CYLC2: variants seen among roughly 807,000 people sequenced by gnomAD.
CYLC2 encodes the protein cylicin-2.
Under a neutral mutation model 26.1 loss-of-function variants are expected in CYLC2, and 30 were observed. That is an observed-to-expected ratio of 1.15 (90% CI 0.86 to 1.56). The LOEUF (loss-of-function observed/expected upper bound fraction) is 1.56. Among genes scored for constraint, CYLC2 ranks in the 40% most tolerant of loss-of-function variants. CYLC2 has a pLI of 0.00. For synonymous variants in CYLC2, 158 were observed against 132.8 expected, an observed-to-expected ratio of 1.19 and a Z score of -1.31; for missense variants, 498 against 394.4, an observed-to-expected ratio of 1.26 and a Z score of -2.23.
chr9:102,998,603 C>A (rs962357994), intron 1 of CYLC2, among the ~76,000 whole-genome samples: 24 of 151,956 alleles, frequency 1.6e-4, no homozygotes, highest in African/African-American at 4.6e-4. Context: ...TCAGTAGGGG[C>A]AAGGGTATTT....
intron 6 of CYLC2, among the ~76,000 whole-genome samples, chr9:103,015,311 A>T (rs1405097654): frequency 3.1e-5 from 4 of 128,616 alleles, no homozygotes; most frequent in Non-Finnish European, 4.7e-5. Context: ...TATAATATAT[A>T]TTATATATAA....
rs774184248 is a variant in CYLC2, at chr9:103,011,283, TA to T, written c.*701-698del. Among the ~76,000 whole-genome samples, 3 of 152,278 alleles carry T rather than the reference TA, an allele frequency of 2.0e-5. No individual in the cohort carries two copies. The East Asian group carries it at 5.8e-4, about 29-fold the overall frequency. On this transcript the variant is annotated intron_variant, in intron 5 of 7. Transcript: ENST00000374798. ...ATTTGTAAGCTGTTTGAAGATTTTT[TA>T]CCCCCCTTCATTTTGTTTAACTTTT...
rs554579738 is a variant in CYLC2, at chr9:103,016,571, G to C, written c.*817-317G>C. Among the ~76,000 whole-genome samples the C allele has an allele frequency of 3.3e-5, 5 of 152,090 alleles. No individual in the cohort carries two copies. In the East Asian group the frequency reaches 5.8e-4, roughly 18 times the overall value. The stretch of plus-strand genomic sequence containing the variant: ...TTTATATTCTAGTATAGGATGTTTT[G>C]TGAGAGGAGCCACTATTTTTTAATC... On this transcript the variant is annotated intron_variant, in intron 6 of 7. Transcript: ENST00000374798.
chr9:103,011,773 T>C (rs1456035654), intron 5 of CYLC2, among the ~76,000 whole-genome samples: 3 of 151,998 alleles, frequency 2.0e-5, no homozygotes, highest in African/African-American at 4.8e-5. Context: ...TAAACTTATA[T>C]GCAAGTGTTG....
chr9:103,014,389 T>C (rs1272883251), intron 6 of CYLC2, among the ~76,000 whole-genome samples: 1 of 127,462 alleles, frequency 7.8e-6, no homozygotes, highest in Non-Finnish European at 1.6e-5. Context: ...TATTACGTAA[T>C]ATAACATAAT....
At position 103,003,240 on chromosome 9, in the gene CYLC2, C is replaced by G. The variant is rs1270241640; in HGVS notation, c.157C>G (p.Gln53Glu). 2 of 1,613,680 alleles carry G rather than the reference C, an allele frequency of 1.2e-6. No individual in the cohort carries two copies. Among genetic ancestry groups the G allele is most frequent in the Admixed American group, 1.7e-5 (1 of 60,008 alleles). Residue 53 changes from glutamine (Q) to glutamate (E), a missense_variant, in exon 3 of 8, where the codon CAA becomes GAA. Coordinates refer to ENST00000374798, the MANE Select transcript of CYLC2 (RefSeq NM_001340.5). ...AACCAAAAGGAGATCAAAACCTTCT[C>G]AAATACGGGACAACACGGTTTCTGT... The part of the protein sequence containing the change: ...PGTKRRSKPS[Q>E]IRDNTVSIID...
intron 1 of CYLC2, among the ~76,000 whole-genome samples, chr9:102,998,952 C>T (rs1829262454): frequency 6.6e-6 from 1 of 151,710 alleles, no homozygotes; most frequent in African/African-American, 2.4e-5. Context: ...GTAATTTATT[C>T]CTTTCGATTG....
intron 6 of CYLC2, among the ~76,000 whole-genome samples, chr9:103,016,466 T>C (rs1829507680): frequency 6.6e-6 from 1 of 152,182 alleles, no homozygotes; most frequent in African/African-American, 2.4e-5. Context: ...ATTTCAGTAG[T>C]TGTCACATGC....
At chr9:103,013,848 T>A (rs1489818064) in intron 6 of CYLC2, among the ~76,000 whole-genome samples, 1 of 92,472 alleles carries the variant, frequency 1.1e-5, no homozygotes, top group Non-Finnish European at 2.1e-5. Context: ...ATAAAGATAA[T>A]ACAATGTATT....
intron 7 of CYLC2, among the ~76,000 whole-genome samples, chr9:103,017,182 G>A (rs1217817027): frequency 5.3e-5 from 8 of 151,726 alleles, no homozygotes; most frequent in African/African-American, 1.7e-4. Context: ...GAGGAGAATG[G>A]GATTTCAAAA....
chr9:103,005,170 A>T lies in CYLC2; in HGVS notation c.539A>T (p.Asp180Val), dbSNP rs145126926. Residue 180 changes from aspartate to valine, a missense_variant, in exon 5 of 8, where the codon GAT becomes GTT. By Grantham distance (152) the Asp-to-Val change is radical. Coordinates refer to ENST00000374798, the MANE Select transcript of CYLC2 (RefSeq NM_001340.5). ...AAAGACTCAGCAACAGAATCTGAAGATGAAAAAGGAGGTGCAAAGAAAGAT... is the reference window on the plus strand; with the variant it reads ...AAAGACTCAGCAACAGAATCTGAAGTTGAAAAAGGAGGTGCAAAGAAAGAT... ...KGKDSATESE[D>V]EKGGAKKDNK... 1.2e-6 allele frequency: 2 copies of T among 1,605,740 alleles called. No homozygotes were observed. The highest frequency in any genetic ancestry group is 1.7e-5 in the Admixed American group (1 of 57,554).
chr9:103,015,775 C>T (rs1488139817), intron 6 of CYLC2, among the ~76,000 whole-genome samples: 2 of 149,592 alleles, frequency 1.3e-5, no homozygotes, highest in Non-Finnish European at 1.5e-5. Flanking sequence ...TTAAACTGTG[C>T]CAATATATCA....
chr9:103,011,048 T>C (rs1282281158), intron 5 of CYLC2, among the ~76,000 whole-genome samples: 2 of 152,050 alleles, frequency 1.3e-5, no homozygotes, highest in Non-Finnish European at 2.9e-5. Flanking sequence ...AGATATAAGA[T>C]TATCTGCTAA....
In CYLC2 at chr9:103,005,236, C is replaced by T. The variant is rs761541743; in HGVS notation, c.605C>T (p.Ser202Leu). Reference protein sequence around the residue: ...DKKDSNKGKDSATESEGEKGG... With the variant: ...DKKDSNKGKDLATESEGEKGG... ...AAGGATTCAAACAAAGGCAAAGACT[C>T]GGCAACAGAATCTGAAGGTGAAAAA... Residue 202 changes from serine to leucine, a missense_variant, in exon 5 of 8, where the codon TCG becomes TTG. By Grantham distance (145) the Ser-to-Leu change is moderately radical. Coordinates refer to ENST00000374798, the MANE Select transcript of CYLC2 (RefSeq NM_001340.5). 6.8e-6 allele frequency: 11 copies of T among 1,612,004 alleles called. No individual in the cohort carries two copies. The highest frequency in any genetic ancestry group is 2.2e-5 in the South Asian group (2 of 90,918).
intron 6 of CYLC2, among the ~76,000 whole-genome samples, chr9:103,015,141 TGTATATC>T (rs1564101596): frequency 7.1e-4 from 3 of 4,242 alleles, no homozygotes; most frequent in African/African-American, 1.9e-3. Context: ...ATACATAACA[TGTATATC>T]ACGTGATATA....
chr9:103,013,010 G>T (rs965909201), intron 6 of CYLC2, among the ~76,000 whole-genome samples: 2 of 147,892 alleles, frequency 1.4e-5, no homozygotes, highest in African/African-American at 4.9e-5. Context: ...AAAGGAAAGG[G>T]TATGATTTTA....
At chr9:103,013,239 C>T (rs1587855198) in intron 6 of CYLC2, among the ~76,000 whole-genome samples, 1 of 90,694 alleles carries the variant, frequency 1.1e-5, no homozygotes, top group African/African-American at 4.6e-5. Flanking sequence ...AAACATATAA[C>T]ATGTAAATAT....
intron 1 of CYLC2, among the ~76,000 whole-genome samples, chr9:102,995,905 G>A (rs1295885226): frequency 6.6e-6 from 1 of 151,798 alleles, no homozygotes; most frequent in Admixed American, 6.6e-5. Context: ...TGAGTATGTG[G>A]AAGTACTTTG....
rs143639958 is a variant in CYLC2, at chr9:103,008,372, TA to T, written c.*700+2000del. On this transcript the variant is annotated intron_variant, in intron 5 of 7. Coordinates refer to ENST00000374798, the MANE Select transcript of CYLC2 (RefSeq NM_001340.5). Reference sequence around the variant, plus strand: ...TATGTTGTTTTCTCAGTTATTCCAATAAAAAATAAAAATGAAAAAAATGGCT... The same window carrying T: ...TATGTTGTTTTCTCAGTTATTCCAATAAAAATAAAAATGAAAAAAATGGCT... Among the ~76,000 whole-genome samples the T allele has an allele frequency of 0.011, 1,647 of 152,204 alleles. 101 individuals are homozygous for T. In the East Asian group the frequency reaches 0.2, roughly 18 times the overall value.
Sources: gnomAD v4.1 joint callset for allele counts (sites outside exome capture counted in the v4.1 genomes callset) on GRCh38, gnomAD v4.1.1 for gene constraint, MANE v1.5 for transcripts, NCBI Gene and HGNC (gene_info 2026-07-23, HGNC 2026-07-21) for gene names.